Variants in MCCC1 observed in about 807,000 individuals in gnomAD.
MCCC1 encodes methylcrotonoyl-CoA carboxylase subunit alpha, mitochondrial.
In MCCC1, 64 loss-of-function variants were observed where a neutral mutation model predicts 83.8. The observed-to-expected ratio is 0.76, with a 90% CI of 0.62 to 0.94. The LOEUF (loss-of-function observed/expected upper bound fraction) is 0.94. Among genes scored for constraint, MCCC1 ranks in the 40% least tolerant of loss-of-function variants. MCCC1 has a pLI of 0.00. For missense variants in MCCC1, 807 were observed against 904.7 expected (o/e 0.89, Z 1.39); for synonymous variants, 322 against 315.4 (o/e 1.02, Z -0.22).
chr3:183,101,940 C>T (rs1577382078), upstream of MCCC1, among the ~76,000 whole-genome samples: 1 of 151,938 alleles, frequency 6.6e-6, no homozygotes, highest in Admixed American at 6.6e-5. Context: ...CACTCCTGAG[C>T]CAGTGAGACC....
chr3:183,099,729 C>G, upstream of MCCC1: 1 of 534,328 alleles, frequency 1.9e-6, no homozygotes, highest in Non-Finnish European at 3.4e-6. Context: ...CAAGGGTTTT[C>G]TCCATCCTCC....
At chr3:183,093,479 T>A (rs554300876) in intron 2 of MCCC1, among the ~76,000 whole-genome samples, 2 of 152,280 alleles carry the variant, frequency 1.3e-5, no homozygotes, top group East Asian at 3.9e-4. Flanking sequence ...TGTGTGTGGT[T>A]CTCTTGCAAC....
At chr3:183,050,705 C>CA (rs746973567) in intron 9 of MCCC1, among the ~76,000 whole-genome samples, 3,497 of 41,970 alleles carry the variant, frequency 0.083, 230 homozygotes, top group African/African-American at 0.17. Context: ...GACTCTGTCT[C>CA]AAAAAAAAAA....
exon 1 of MCCC1, chr3:183,115,981 C>G (rs1410791503): frequency 6.6e-6 from 1 of 152,252 alleles, no homozygotes; most frequent in Non-Finnish European, 1.5e-5. Flanking sequence ...TGGGCTCGAG[C>G]AAGCAGTTGC....
At chr3:183,037,168 G>A (rs761141173) in intron 13 of MCCC1, 50 bp downstream of exon 13, 5 of 1,565,626 alleles carry the variant, frequency 3.2e-6, no homozygotes, top group Non-Finnish European at 4.4e-6. Flanking sequence ...CATGTTCAAT[G>A]ATGATTTGCA....
intron 3 of MCCC1, among the ~76,000 whole-genome samples, chr3:183,089,359 G>A (rs1457946564): frequency 6.6e-6 from 1 of 152,182 alleles, no homozygotes; most frequent in East Asian, 1.9e-4. Flanking sequence ...GGTCAAGCAA[G>A]AGGTGATAGT....
At chr3:183,113,647 G>C (rs1424613714) in intron 1 of MCCC1, among the ~76,000 whole-genome samples, 1 of 151,760 alleles carries the variant, frequency 6.6e-6, no homozygotes, top group Non-Finnish European at 1.5e-5. Flanking sequence ...AGGCTGCAAT[G>C]AGCTGTGATC....
chr3:183,072,215 T>C, intron 5 of MCCC1, 151 bp downstream of exon 5: 1 of 857,950 alleles, frequency 1.2e-6, no homozygotes, highest in Non-Finnish European at 1.8e-6. Flanking sequence ...TCTCACTAAG[T>C]TGCCCAGGCT....
chr3:183,017,321 C>T lies in MCCC1; in HGVS notation c.1994G>A (p.Gly665Glu), dbSNP rs903196916. 5 of 1,613,850 alleles carry T rather than the reference C, an allele frequency of 3.1e-6. No homozygotes were observed. The Admixed American group carries it at 5.0e-5, about 16-fold the overall frequency. ...GTIEKVFVKA[G>E]DKVKAGDSLM... ...GGAATCTCCCGCTTTCACTTTGTCT[C>T]CAGCTTTGACAAACACCTTGAGATT... Residue 665 changes from glycine (G) to glutamate (E), a missense_variant, in exon 18 of 19, where the codon GGA becomes GAA. By Grantham distance (98) the Gly-to-Glu change is moderately conservative. Coordinates refer to ENST00000265594, the MANE Select transcript of MCCC1 (RefSeq NM_020166.5).
chr3:183,079,058 A>G (rs1717294597), intron 4 of MCCC1, among the ~76,000 whole-genome samples: 1 of 152,230 alleles, frequency 6.6e-6, no homozygotes, highest in African/African-American at 2.4e-5. Flanking sequence ...CCCACGATAC[A>G]TGAGAATTGT....
At chr3:183,067,128 C>T (rs1205166958) in intron 7 of MCCC1, among the ~76,000 whole-genome samples, 1 of 152,210 alleles carries the variant, frequency 6.6e-6, no homozygotes, top group Non-Finnish European at 1.5e-5. Flanking sequence ...TCAAACTTGA[C>T]TTGTAAAGCC....
At position 183,084,446 on chromosome 3, in the gene MCCC1, C is replaced by T. The variant is rs80305048; in HGVS notation, c.369+2247G>A. Among the ~76,000 whole-genome samples the T allele has an allele frequency of 2.9e-4, 44 of 152,220 alleles. No homozygotes were observed. In the East Asian group the frequency reaches 7.5e-3, roughly 26 times the overall value. On this transcript the variant is annotated intron_variant, in intron 4 of 18. Transcript: ENST00000265594. ...TGTGAGATACATATGTATATCTCCACGTACTATTATCATCTCCTTACCCTC... is the reference window on the plus strand; with the variant it reads ...TGTGAGATACATATGTATATCTCCATGTACTATTATCATCTCCTTACCCTC...
chr3:183,087,030 G>A (rs1407724696), intron 3 of MCCC1, among the ~76,000 whole-genome samples: 3 of 152,172 alleles, frequency 2.0e-5, no homozygotes, highest in African/African-American at 2.4e-5. Flanking sequence ...CCACACACTG[G>A]TGTGAAACTA....
intron 4 of MCCC1, among the ~76,000 whole-genome samples, chr3:183,078,737 G>A (rs1717266691): frequency 6.6e-6 from 1 of 152,152 alleles, no homozygotes; most frequent in African/African-American, 2.4e-5. Context: ...CTAGATAAAT[G>A]CTCTTCTTTC....
chr3:183,084,947 G>A (rs4380436), intron 4 of MCCC1, among the ~76,000 whole-genome samples: 2 of 152,092 alleles, frequency 1.3e-5, no homozygotes, highest in South Asian at 2.1e-4. Context: ...GGGTTGCTAG[G>A]AGGTATGCTT....
chr3:183,075,769 T>C (rs1311137006), intron 4 of MCCC1, among the ~76,000 whole-genome samples: 3 of 152,142 alleles, frequency 2.0e-5, no homozygotes, highest in Non-Finnish European at 4.4e-5. Flanking sequence ...TCTCATCTCC[T>C]GACCGTGTGA....
At chr3:183,054,241 A>G (rs926320460) in intron 8 of MCCC1, among the ~76,000 whole-genome samples, 1 of 148,124 alleles carries the variant, frequency 6.8e-6, no homozygotes, top group Non-Finnish European at 1.5e-5. Flanking sequence ...GCTGGAGTGC[A>G]GTGGCGCGAT....
chr3:183,074,105 CATTTA>C (rs1240590757), intron 4 of MCCC1, among the ~76,000 whole-genome samples: 1 of 152,170 alleles, frequency 6.6e-6, no homozygotes, highest in Non-Finnish European at 1.5e-5. Flanking sequence ...TGGAATTTTC[CATTTA>C]ATATTTTCAC....
upstream of MCCC1, among the ~76,000 whole-genome samples, chr3:183,099,794 C>T (rs2108578796): frequency 6.6e-6 from 1 of 152,332 alleles, no homozygotes; most frequent in East Asian, 1.9e-4. Flanking sequence ...TTTCTTCGCT[C>T]TCGTCACCTT....
Sources: gnomAD v4.1 joint callset for allele counts (sites outside exome capture counted in the v4.1 genomes callset) on GRCh38, gnomAD v4.1.1 for gene constraint, MANE v1.5 for transcripts, NCBI Gene and HGNC (gene_info 2026-07-23, HGNC 2026-07-21) for gene names.